Variants in ATP2C2 observed in about 807,000 individuals in gnomAD.
The protein encoded by ATP2C2 is calcium-transporting ATPase type 2C member 2.
ATP2C2 carries 171 observed loss-of-function variants against 110.8 expected under a neutral mutation model. The ratio of observed to expected loss-of-function variants is 1.54; its 90% CI spans 1.36 to 1.75. ATP2C2 has a LOEUF of 1.75. ATP2C2 is among the 40% of genes most tolerant of loss of function. ATP2C2 has a pLI of 0.00. For synonymous variants in ATP2C2, 804 were observed against 508.4 expected (o/e 1.58, Z -7.82); for missense variants, 1,963 against 1,235.0 (o/e 1.59, Z -8.84).
At position 84,405,331 on chromosome 16, in the gene ATP2C2, G is replaced by A; in HGVS notation, c.327+87G>A. On this transcript the variant is annotated intron_variant, in intron 3 of 26. Transcript: ENST00000262429. ...ATTCCATCTTTCAATGTTGATGGAA[G>A]GCATCCTTGGACAGCTCCCGCCCCT... is the stretch of plus-strand genomic sequence containing the variant. 4.3e-6 allele frequency: 5 copies of A among 1,173,428 alleles called. No homozygotes were observed. The South Asian group carries it at 7.1e-5, about 17-fold the overall frequency. 72.7% of individuals were successfully genotyped at this position (1,173,428 alleles called of 1,614,324 possible). A position where few individuals can be genotyped will look rare whatever the true frequency, so the allele number is the denominator to read the frequency against.
Position 84,460,756 on chromosome 16 carries a change from C to T in ATP2C2, c.2436C>T (p.Ser812=), listed in dbSNP as rs377172333. 1.3e-4 allele frequency: 214 copies of T among 1,614,040 alleles called. No individual in the cohort carries two copies. The highest frequency in any genetic ancestry group is 2.6e-4 in the South Asian group (24 of 91,074). ...SRALILKILM[S]AAIIISGTLF... ...CCCTCATCCTGAAGATCCTCATGTC[C>T]GCGGCCATCATCATCAGCGGGACCC... Residue 812 remains serine, a synonymous_variant, in exon 24 of 27, where the codon TCC becomes TCT. Transcript: ENST00000262429.
Position 84,408,413 on chromosome 16 carries a change from C to T in ATP2C2, c.336C>T (p.Asn112=), listed in dbSNP as rs1306268369. 6.2e-7 allele frequency: 1 copy of T among 1,613,682 alleles called. No individual in the cohort carries two copies. The highest frequency in any genetic ancestry group is 8.5e-7 in the Non-Finnish European group (1 of 1,179,828). ...TGTTATTTCCTCTTCAGTTTAAGAACCCCCTGATCCTGCTGCTGCTGGGCT... is the reference window on the plus strand; with the variant it reads ...TGTTATTTCCTCTTCAGTTTAAGAATCCCCTGATCCTGCTGCTGCTGGGCT... ...VWKKYLDQFK[N]PLILLLLGSA... is the part of the protein sequence containing the mutation. Residue 112 remains asparagine (N), a synonymous_variant, in exon 4 of 27, where the codon AAC becomes AAT. Transcript: ENST00000262429.
chr16:84,441,943 C>G (rs1380203032), intron 14 of ATP2C2, among the ~76,000 whole-genome samples: 1 of 130,384 alleles, frequency 7.7e-6, no homozygotes, highest in Non-Finnish European at 1.6e-5. Flanking sequence ...ATGAATGAAA[C>G]AAAAATATGC....
chr16:84,434,771 G>A (rs1908594051), intron 11 of ATP2C2, among the ~76,000 whole-genome samples: 3 of 152,066 alleles, frequency 2.0e-5, no homozygotes. Context: ...ATCCGTTTCT[G>A]CGTTTCAAAG....
chr16:84,462,041 C>A lies in ATP2C2; in HGVS notation c.2634C>A (p.Ser878=), dbSNP rs376545433. The change falls in exon 26 of 27, where the codon TCC becomes TCA. Residue 878 remains serine, a synonymous_variant. Transcript: ENST00000262429. Reference sequence around the variant, plus strand: ...TCAGGAACCACATGTTCCTCTACTCCGTCCTGGGGTCCATCCTGGGGCAGC... The same window carrying A: ...TCAGGAACCACATGTTCCTCTACTCAGTCCTGGGGTCCATCCTGGGGCAGC... ...GFLRNHMFLY[S]VLGSILGQLA... The A allele has an allele frequency of 5.0e-6, 8 of 1,613,980 alleles. No homozygotes were observed. In the African/African-American group the frequency reaches 6.7e-5, roughly 13 times the overall value.
intron 23 of ATP2C2, chr16:84,459,697 A>C: frequency 1.9e-6 from 2 of 1,071,106 alleles, no homozygotes; most frequent in Non-Finnish European, 2.7e-6. Flanking sequence ...GCCTTCAGGA[A>C]GTCTTCCCTG....
intron 20 of ATP2C2, among the ~76,000 whole-genome samples, chr16:84,454,361 G>C (rs1417298102): frequency 1.3e-5 from 2 of 152,164 alleles, no homozygotes; most frequent in Non-Finnish European, 2.9e-5. Flanking sequence ...GTTTGCTCTT[G>C]AGCTCTTTTA....
intron 1 of ATP2C2, among the ~76,000 whole-genome samples, chr16:84,380,813 T>C (rs1567684682): frequency 1.3e-5 from 2 of 152,194 alleles, no homozygotes; most frequent in Admixed American, 1.3e-4. Flanking sequence ...TTAATACACA[T>C]CAAGCATGTA....
chr16:84,415,780 T>A (rs964788165), intron 7 of ATP2C2, among the ~76,000 whole-genome samples, 189 bp downstream of exon 7: 1 of 152,192 alleles, frequency 6.6e-6, no homozygotes, highest in South Asian at 2.1e-4. Flanking sequence ...TCAAACCATA[T>A]TTCATAAATT....
At chr16:84,454,149 C>G (rs1910574701) in intron 20 of ATP2C2, among the ~76,000 whole-genome samples, 1 of 149,850 alleles carries the variant, frequency 6.7e-6, no homozygotes, top group Non-Finnish European at 1.5e-5. Context: ...AACTCCGTGC[C>G]TCCGTTTCCT....
chr16:84,399,137 A>AGT (rs925097586), intron 2 of ATP2C2, among the ~76,000 whole-genome samples: 2 of 152,110 alleles, frequency 1.3e-5, no homozygotes, highest in Non-Finnish European at 2.9e-5. Flanking sequence ...ATTGCACACA[A>AGT]GTGTGTGTGT....
chr16:84,388,176 T>A (rs1289294090), intron 1 of ATP2C2, among the ~76,000 whole-genome samples: 1 of 151,956 alleles, frequency 6.6e-6, no homozygotes, highest in East Asian at 1.9e-4. Context: ...AATACAAAAA[T>A]TAGCTGGGCA....
intron 11 of ATP2C2, chr16:84,426,030 A>T: frequency 1.9e-6 from 1 of 533,866 alleles, no homozygotes; most frequent in Non-Finnish European, 3.3e-6. Context: ...TCCCTTTTGT[A>T]TTAGGCTGTT....
chr16:84,386,803 C>T (rs761220879), intron 1 of ATP2C2, among the ~76,000 whole-genome samples: 13 of 152,270 alleles, frequency 8.5e-5, no homozygotes, highest in Admixed American at 1.3e-4. Context: ...AAAAGTCAAG[C>T]GGCTTGCTGA....
At chr16:84,427,389 A>G (rs560128049) in intron 11 of ATP2C2, among the ~76,000 whole-genome samples, 1 of 152,294 alleles carries the variant, frequency 6.6e-6, no homozygotes, top group Non-Finnish European at 1.5e-5. Flanking sequence ...CCAGTTGCAC[A>G]TGTTATATGA....
intron 26 of ATP2C2, 125 bp downstream of exon 26, chr16:84,462,254 C>A: frequency 7.6e-7 from 1 of 1,321,714 alleles, no homozygotes; most frequent in Non-Finnish European, 1.0e-6. Context: ...CAGGGGCCGG[C>A]TCTGTCTTCA....
intron 10 of ATP2C2, among the ~76,000 whole-genome samples, chr16:84,423,521 C>T (rs139235336): frequency 1.0e-3 from 153 of 152,332 alleles, no homozygotes; most frequent in African/African-American, 3.4e-3. Context: ...GTCCAAAGTC[C>T]GTGGGTGTAT....
rs966409202 is a variant in ATP2C2, at chr16:84,379,377, G to A, written c.99+10663G>A. ...GATGGGGTTTTGCTAAGTTGCCTAG[G>A]CTGGTCTTGAACTCCTGGGCTCAAG... On this transcript the variant is annotated intron_variant, in intron 1 of 26. Transcript: ENST00000262429. Among the ~76,000 whole-genome samples the A allele has an allele frequency of 2.0e-4, 31 of 152,264 alleles. 1 individual carries two copies. The highest frequency in any genetic ancestry group is 5.9e-4 in the Admixed American group (9 of 15,296).
rs3085209 is a variant in ATP2C2, at chr16:84,455,070, A to AGGG, written c.2147+92_2147+94dup. ...CTGGAACCTGCTACTGTGGAGATAG[A>AGGG]GGGGGGGGTCTCGCGGAGTCCCCAG... On this transcript the variant is annotated intron_variant, in intron 21 of 26. Transcript: ENST00000262429. 8,694 of 1,197,112 alleles carry AGGG rather than the reference A, an allele frequency of 7.3e-3. 60 individuals carry two copies. Among genetic ancestry groups the AGGG allele is most frequent in the South Asian group, 0.023 (1,675 of 71,588 alleles). 74.2% of individuals were successfully genotyped at this position (1,197,112 alleles called of 1,614,324 possible).
Sources: allele counts gnomAD v4.1 joint callset (sites outside exome capture counted in the v4.1 genomes callset), GRCh38; gene constraint gnomAD v4.1.1; transcripts MANE v1.5; gene names NCBI Gene and HGNC (gene_info 2026-07-23, HGNC 2026-07-21).